GRM1: variants seen among roughly 807,000 people sequenced by gnomAD.
The protein encoded by GRM1 is glutamate metabotropic receptor 1.
Under a neutral mutation model 90.9 loss-of-function variants are expected in GRM1, and 33 were observed. The observed-to-expected ratio is 0.36, with a 90% CI of 0.28 to 0.49. The LOEUF (loss-of-function observed/expected upper bound fraction) is 0.49. Ranked by LOEUF, GRM1 falls within the 20% of genes least tolerant of loss-of-function variation. The pLI is 0.99. For synonymous variants in GRM1, 700 were observed against 613.2 expected, an observed-to-expected ratio of 1.14 and a Z score of -2.09; for missense variants, 1,190 against 1,534.3, an observed-to-expected ratio of 0.78 and a Z score of 3.75.
Position 146,260,804 on chromosome 6 carries a change from G to GTTTTTTTTTTTTTTTTTTTTTTT in GRM1, c.951-43796_951-43774dup, listed in dbSNP as rs56956724. Among the ~76,000 whole-genome samples, 4 of 22,712 alleles carry GTTTTTTTTTTTTTTTTTTTTTTT rather than the reference G, an allele frequency of 1.8e-4. 1 individual carries two copies. The highest frequency in any genetic ancestry group is 6.8e-4 in the African/African-American group (4 of 5,898). The allele number at this position is 22,712 out of a possible 152,430, so 14.9% of individuals were successfully genotyped here. A position where few individuals can be genotyped will look rare whatever the true frequency, so the allele number is the denominator to read the frequency against. Reference sequence around the variant, plus strand: ...CCCATTTTTTAATTAGGTTATTTGGGTTTTTTTTTTTTTTTTTTTTTTTTT... The same window carrying GTTTTTTTTTTTTTTTTTTTTTTT: ...CCCATTTTTTAATTAGGTTATTTGGGTTTTTTTTTTTTTTTTTTTTTTTTTTTTTTTTTTTTTTTTTTTTTTTT... On this transcript the variant is annotated intron_variant, in intron 2 of 7. Transcript: ENST00000282753.
At chr6:146,080,833 A>AT (rs1776341513) in intron 1 of GRM1, among the ~76,000 whole-genome samples, 1 of 152,228 alleles carries the variant, frequency 6.6e-6, no homozygotes, top group South Asian at 2.1e-4. Flanking sequence ...TAATTTCATA[A>AT]TTCTCTGTAT....
chr6:146,274,563 T>A (rs1252270404), intron 2 of GRM1, among the ~76,000 whole-genome samples: 1 of 152,216 alleles, frequency 6.6e-6, no homozygotes, highest in African/African-American at 2.4e-5. Context: ...TTAAAATTTT[T>A]GCAAAAGAGA....
intron 3 of GRM1, among the ~76,000 whole-genome samples, chr6:146,337,373 G>A (rs945524872): frequency 2.6e-5 from 4 of 152,196 alleles, no homozygotes; most frequent in Non-Finnish European, 5.9e-5. Context: ...AAAATCACAA[G>A]AGGCTATCAA....
intron 1 of GRM1, among the ~76,000 whole-genome samples, chr6:146,150,961 C>CACAG (rs1269296064): frequency 3.3e-5 from 5 of 151,932 alleles, no homozygotes; most frequent in Admixed American, 1.3e-4. Flanking sequence ...CACACACACA[C>CACAG]ACACACTACA....
At chr6:146,362,669 A>AC in intron 5 of GRM1, among the ~76,000 whole-genome samples, 1 of 150,734 alleles carries the variant, frequency 6.6e-6, no homozygotes, top group East Asian at 1.9e-4. Context: ...CATCTCAAAA[A>AC]AAAAAAAAAA....
intron 1 of GRM1, among the ~76,000 whole-genome samples, chr6:146,101,987 T>G (rs1382739416): frequency 6.6e-6 from 1 of 152,148 alleles, no homozygotes; most frequent in Non-Finnish European, 1.5e-5. Context: ...AAAGATGAGA[T>G]GGCCTTTCCA....
At chr6:146,310,972 G>A (rs961686217) in intron 3 of GRM1, among the ~76,000 whole-genome samples, 1 of 152,122 alleles carries the variant, frequency 6.6e-6, no homozygotes, top group Non-Finnish European at 1.5e-5. Context: ...TTTGTTATGC[G>A]GCTTTTTTGG....
intron 7 of GRM1, among the ~76,000 whole-genome samples, chr6:146,416,715 G>T (rs1228012844): frequency 1.3e-5 from 2 of 152,062 alleles, no homozygotes; most frequent in Non-Finnish European, 2.9e-5. Flanking sequence ...TGCTTCACCT[G>T]GTGCATCCTG....
At chr6:146,235,194 A>G (rs1025974563) in intron 2 of GRM1, among the ~76,000 whole-genome samples, 4 of 152,156 alleles carry the variant, frequency 2.6e-5, no homozygotes, top group African/African-American at 9.7e-5. Flanking sequence ...TTCACAGGGC[A>G]TAAAATTCTC....
chr6:146,163,269 G>T (rs1361592309), intron 2 of GRM1, among the ~76,000 whole-genome samples: 1 of 152,104 alleles, frequency 6.6e-6, no homozygotes, highest in African/African-American at 2.4e-5. Flanking sequence ...TTGTGCAAAA[G>T]AATCATTTCT....
chr6:146,301,490 T>G (rs926692481), intron 2 of GRM1, among the ~76,000 whole-genome samples: 2 of 152,194 alleles, frequency 1.3e-5, no homozygotes, highest in Non-Finnish European at 2.9e-5. Context: ...CACATGAACA[T>G]CACAGCAAGT....
chr6:146,292,990 T>C (rs1348460166), intron 2 of GRM1, among the ~76,000 whole-genome samples: 1 of 151,924 alleles, frequency 6.6e-6, no homozygotes, highest in African/African-American at 2.4e-5. Flanking sequence ...CTCTAAAACA[T>C]CATGCTAAAT....
At chr6:146,308,014 A>G (rs1783640461) in intron 3 of GRM1, among the ~76,000 whole-genome samples, 1 of 152,228 alleles carries the variant, frequency 6.6e-6, no homozygotes, top group Non-Finnish European at 1.5e-5. Context: ...ATAACTTCTA[A>G]AAAATTAATC....
chr6:146,084,116 T>G (rs1197335127), intron 1 of GRM1, among the ~76,000 whole-genome samples: 1 of 152,172 alleles, frequency 6.6e-6, no homozygotes, highest in Non-Finnish European at 1.5e-5. Flanking sequence ...TATTTGATTC[T>G]TCTCTCTTTT....
At chr6:146,425,450 A>G (rs1778162493) in intron 7 of GRM1, among the ~76,000 whole-genome samples, 1 of 152,130 alleles carries the variant, frequency 6.6e-6, no homozygotes, top group Admixed American at 6.5e-5. Flanking sequence ...CTTTGATGGG[A>G]AAAAGAGATA....
chr6:146,292,211 G>A (rs1196181776), intron 2 of GRM1, among the ~76,000 whole-genome samples: 2 of 151,802 alleles, frequency 1.3e-5, no homozygotes, highest in African/African-American at 2.4e-5. Flanking sequence ...AGTAACCATA[G>A]GAGTAAATCT....
At chr6:146,205,956 G>T (rs1306889028) in intron 2 of GRM1, among the ~76,000 whole-genome samples, 1 of 152,164 alleles carries the variant, frequency 6.6e-6, no homozygotes, top group Non-Finnish European at 1.5e-5. Context: ...CTAGCAGGCA[G>T]CATCATCATG....
intron 3 of GRM1, among the ~76,000 whole-genome samples, chr6:146,330,287 A>G (rs984692063): frequency 3.3e-5 from 5 of 152,074 alleles, no homozygotes; most frequent in African/African-American, 1.2e-4. Flanking sequence ...CAATTATTTG[A>G]TTTAGCTTGG....
At chr6:146,152,393 G>A (rs989192132) in intron 1 of GRM1, among the ~76,000 whole-genome samples, 1 of 151,406 alleles carries the variant, frequency 6.6e-6, no homozygotes, top group African/African-American at 2.4e-5. Context: ...CTAGGATGAC[G>A]GTAGTTTTTA....
Sources: allele counts gnomAD v4.1 joint callset (sites outside exome capture counted in the v4.1 genomes callset), GRCh38; gene constraint gnomAD v4.1.1; transcripts MANE v1.5; gene names NCBI Gene and HGNC (gene_info 2026-07-23, HGNC 2026-07-21).